RIC3: variants seen among roughly 807,000 people sequenced by gnomAD.
RIC3 encodes the protein RIC3 acetylcholine receptor chaperone.
In RIC3, 28 loss-of-function variants were observed where a neutral mutation model predicts 27.3. The observed-to-expected ratio is 1.02, with a 90% CI of 0.76 to 1.41. RIC3 has a LOEUF of 1.41. Ranked by LOEUF, RIC3 falls within the 40% of genes most tolerant of loss-of-function variation. The probability of loss-of-function intolerance (pLI) is 0.00; values close to 1 mark genes in which losing one functional copy is unlikely to be tolerated. For synonymous variants in RIC3, 184 were observed against 160.4 expected, an observed-to-expected ratio of 1.15 and a Z score of -1.11; for missense variants, 501 against 444.7, an observed-to-expected ratio of 1.13 and a Z score of -1.14.
At chr11:8,116,316 A>C (rs951557145) in intron 5 of RIC3, among the ~76,000 whole-genome samples, 6 of 152,240 alleles carry the variant, frequency 3.9e-5, no homozygotes, top group African/African-American at 1.4e-4. Context: ...TAAGACCTGA[A>C]GCTGTAAAAC....
At chr11:8,133,766 C>CA (rs1948024423) in intron 4 of RIC3, among the ~76,000 whole-genome samples, 1 of 152,140 alleles carries the variant, frequency 6.6e-6, no homozygotes, top group African/African-American at 2.4e-5. Flanking sequence ...AGAGGACAGA[C>CA]AGTAGTTAGA....
rs143426692 is a variant in RIC3 at position 8,124,056 on chromosome 11, A to C, written c.670+2603T>G. On this transcript the variant is annotated intron_variant, in intron 5 of 5. Transcript: ENST00000309737. ...TGTACTCCAGCCTGGGCAACAGGGC[A>C]AGACCCTGAAAAAAAAAAGAAAGAA... Among the ~76,000 whole-genome samples, 909 of 150,658 alleles carry C rather than the reference A, an allele frequency of 6.0e-3. 21 individuals carry two copies. The highest frequency in any genetic ancestry group is 0.048 in the Admixed American group (723 of 15,038).
chr11:8,132,087 T>C (rs1035332780), intron 4 of RIC3, among the ~76,000 whole-genome samples: 2 of 151,746 alleles, frequency 1.3e-5, no homozygotes, highest in African/African-American at 2.4e-5. Flanking sequence ...CCAGGGCCCT[T>C]TGCTGCCAGA....
At chr11:8,115,324 AAAG>A (rs1372772529) in intron 5 of RIC3, among the ~76,000 whole-genome samples, 1 of 152,088 alleles carries the variant, frequency 6.6e-6, no homozygotes, top group Non-Finnish European at 1.5e-5. Flanking sequence ...CAAAAAAAAA[AAAG>A]GTCAACCAAG....
rs778726199 is a variant in RIC3 at position 8,111,089 on chromosome 11, T to C, written c.719A>G (p.Lys240Arg). The C allele has an allele frequency of 1.2e-6, 2 of 1,613,760 alleles. No individual in the cohort carries two copies. Among genetic ancestry groups the C allele is most frequent in the Non-Finnish European group, 1.7e-6 (2 of 1,179,808 alleles). The change falls in exon 6 of 6, where the codon AAG becomes AGG. Residue 240 changes from lysine to arginine, a missense_variant. By Grantham distance (26) the Lys-to-Arg change is conservative (BLOSUM62 2). Coordinates refer to ENST00000309737, the MANE Select transcript of RIC3 (RefSeq NM_001206671.4). ...CACCAAGATTGTTTCTTGCCTACGC[T>C]TGATACAGTCTGAAAGGTCATAAAT... ...YPIYDLSDCIKRRQETILVDY... is the reference protein window; with the variant it reads ...YPIYDLSDCIRRRQETILVDY...
the RIC3 span, chr11:8,100,721 A>C: frequency 1.3e-6 from 2 of 1,549,936 alleles, no homozygotes; most frequent in Admixed American, 1.7e-5. Context: ...AAAGCCCTGG[A>C]GGTCTAGGGA....
At chr11:8,147,875 G>A (rs759327794) in intron 1 of RIC3, among the ~76,000 whole-genome samples, 2 of 152,036 alleles carry the variant, frequency 1.3e-5, no homozygotes, top group African/African-American at 2.4e-5. Context: ...TTACAGGCAT[G>A]TGCCACCACG....
Position 8,106,484 on chromosome 11 carries a change from G to GTACT in RIC3, c.*4210_*4213dup, listed in dbSNP as rs1333096909. 6.6e-6 allele frequency: 1 copy of GTACT among 152,214 alleles called. No homozygotes were observed. The highest frequency in any genetic ancestry group is 1.5e-5 in the Non-Finnish European group (1 of 68,056). 9.4% of individuals were successfully genotyped at this position (152,214 alleles called of 1,614,324 possible). The stretch of plus-strand genomic sequence containing the variant: ...GCTGGAAAAATGGTGAAGTCAGAAG[G>GTACT]TACTTAAGTTAGAGCAGTTCTCTTC... On this transcript the variant is annotated 3_prime_UTR_variant, in exon 6 of 6. Transcript: ENST00000309737.
At chr11:8,156,473 AG>A (rs777751250) in intron 1 of RIC3, among the ~76,000 whole-genome samples, 2 of 152,242 alleles carry the variant, frequency 1.3e-5, no homozygotes, top group Non-Finnish European at 2.9e-5. Flanking sequence ...CAAAGCACCT[AG>A]CACATATAGT....
intron 1 of RIC3, among the ~76,000 whole-genome samples, chr11:8,165,440 ATAT>A (rs1951590914): frequency 1.3e-5 from 2 of 152,314 alleles, no homozygotes; most frequent in South Asian, 2.1e-4. Flanking sequence ...AAAAGATCAG[ATAT>A]TATATGATTT....
rs142136678 is a variant in RIC3, at chr11:8,166,233, A to C, written c.124+2633T>G. Among the ~76,000 whole-genome samples, 330 of 152,240 alleles carry C rather than the reference A, an allele frequency of 2.2e-3. 1 individual carries two copies. Among genetic ancestry groups the C allele is most frequent in the African/African-American group, 7.5e-3 (310 of 41,542 alleles). ...TTTGCATTTATCTGTTGACATGTCT[A>C]CTTTCCTTTACTAAACTGTGGCCGC... On this transcript the variant is annotated intron_variant, in intron 1 of 5. Coordinates refer to ENST00000309737, the MANE Select transcript of RIC3 (RefSeq NM_001206671.4).
At chr11:8,100,689 A>G in the RIC3 span, 1 of 1,482,054 alleles carries the variant, frequency 6.7e-7, no homozygotes, top group Non-Finnish European at 9.3e-7. Context: ...TGATGTGTGT[A>G]TGTGGAGGGG....
At chr11:8,165,712 T>TA (rs1951619634) in intron 1 of RIC3, among the ~76,000 whole-genome samples, 1 of 101,494 alleles carries the variant, frequency 9.9e-6, no homozygotes, top group African/African-American at 3.9e-5. Context: ...AAAGCTGTTA[T>TA]CAAAAAAAAA....
At chr11:8,153,946 C>T (rs1590349832) in intron 1 of RIC3, among the ~76,000 whole-genome samples, 1 of 152,156 alleles carries the variant, frequency 6.6e-6, no homozygotes, top group African/African-American at 2.4e-5. Flanking sequence ...CTGCATTTGG[C>T]AAAGATTTCT....
chr11:8,166,696 C>T (rs1951726011), intron 1 of RIC3, among the ~76,000 whole-genome samples: 1 of 152,054 alleles, frequency 6.6e-6, no homozygotes, highest in Non-Finnish European at 1.5e-5. Flanking sequence ...ACAATGAGAC[C>T]CCCATCTCAA....
chr11:8,148,883 A>G (rs1178175615), intron 1 of RIC3, among the ~76,000 whole-genome samples: 8 of 151,718 alleles, frequency 5.3e-5, no homozygotes, highest in Non-Finnish European at 7.4e-5. Flanking sequence ...ATCTTTCTTT[A>G]AAAAAAAGAG....
chr11:8,116,136 AACACAC>A (rs59797675), intron 5 of RIC3, among the ~76,000 whole-genome samples: 1 of 151,950 alleles, frequency 6.6e-6, no homozygotes, highest in Non-Finnish European at 1.5e-5. Context: ...CAAAAAATAA[AACACAC>A]ACACACACAG....
chr11:8,116,136 AAC>A (rs59797675), intron 5 of RIC3, among the ~76,000 whole-genome samples: 2 of 152,068 alleles, frequency 1.3e-5, no homozygotes, highest in Admixed American at 6.5e-5. Flanking sequence ...CAAAAAATAA[AAC>A]ACACACACAC....
At chr11:8,100,569 G>C in the RIC3 span, 1 of 1,614,112 alleles carries the variant, frequency 6.2e-7, no homozygotes, top group Non-Finnish European at 8.5e-7. Context: ...CATGAACATG[G>C]TTCATGAGAG....
Sources: gnomAD v4.1 joint callset for allele counts (sites outside exome capture counted in the v4.1 genomes callset) on GRCh38, gnomAD v4.1.1 for gene constraint, MANE v1.5 for transcripts, NCBI Gene and HGNC (gene_info 2026-07-23, HGNC 2026-07-21) for gene names.